The following HDAC9 variants were observed in gnomAD, a reference collection of about 807,000 sequenced individuals.
HDAC9 encodes histone deacetylase 9, also known as MEF-2 interacting transcription repressor (MITR) protein.
In HDAC9, 41 loss-of-function variants were observed where a neutral mutation model predicts 139.4. That is an observed-to-expected ratio of 0.29 (90% CI 0.23 to 0.38). HDAC9 has a LOEUF of 0.38. Among genes scored for constraint, HDAC9 ranks in the 10% least tolerant of loss-of-function variants. The pLI, the probability that HDAC9 is intolerant of heterozygous loss-of-function variation, is 1.00. For missense variants in HDAC9, 1,147 were observed against 1,297.0 expected (o/e 0.88, Z 1.78); for synonymous variants, 517 against 476.2 (o/e 1.09, Z -1.12).
chr7:18,407,250 A>T (rs1788099245), intron 1 of HDAC9, among the ~76,000 whole-genome samples: 1 of 152,184 alleles, frequency 6.6e-6, no homozygotes, highest in Non-Finnish European at 1.5e-5. Flanking sequence ...CTATATCTAG[A>T]AAAACTCCTG....
chr7:18,735,680 G>C (rs1265229408), intron 13 of HDAC9, among the ~76,000 whole-genome samples: 1 of 151,994 alleles, frequency 6.6e-6, no homozygotes, highest in African/African-American at 2.4e-5. Context: ...ATGCCTCCAG[G>C]TTTGTTCTTT....
intron 21 of HDAC9, among the ~76,000 whole-genome samples, chr7:18,871,238 A>G (rs1211097077): frequency 1.3e-5 from 2 of 152,120 alleles, no homozygotes; most frequent in Non-Finnish European, 2.9e-5. Flanking sequence ...ATATTGGTTC[A>G]CATGTCCTGT....
intron 2 of HDAC9, among the ~76,000 whole-genome samples, chr7:18,575,211 C>T (rs1583567017): frequency 6.6e-6 from 1 of 152,206 alleles, no homozygotes. Flanking sequence ...ATAAGCATTT[C>T]AGCATGTCTC....
At chr7:18,677,584 AT>A (rs1247062400) in intron 12 of HDAC9, among the ~76,000 whole-genome samples, 1 of 151,916 alleles carries the variant, frequency 6.6e-6, no homozygotes, top group East Asian at 1.9e-4. Context: ...ATTGTTTGAC[AT>A]TCTCATCAAC....
chr7:18,761,678 T>G (rs2129156560), intron 14 of HDAC9, among the ~76,000 whole-genome samples: 1 of 152,308 alleles, frequency 6.6e-6, no homozygotes, highest in South Asian at 2.1e-4. Flanking sequence ...TACTGTGAGG[T>G]GCACACATGG....
At chr7:18,994,116 G>C (rs1277603976) in intron 25 of HDAC9, among the ~76,000 whole-genome samples, 2 of 152,130 alleles carry the variant, frequency 1.3e-5, no homozygotes, top group Admixed American at 6.5e-5. Context: ...CCACCACAGA[G>C]ACATGTGGAT....
chr7:18,727,163 C>T (rs1371772294), intron 12 of HDAC9, among the ~76,000 whole-genome samples: 1 of 152,148 alleles, frequency 6.6e-6, no homozygotes, highest in Non-Finnish European at 1.5e-5. Flanking sequence ...AGAGAATTTT[C>T]AGAATTAGGC....
rs2129356976 is a variant in HDAC9 at position 18,999,280 on chromosome 7, G to A, written c.*3218G>A. On this transcript the variant is annotated 3_prime_UTR_variant, in exon 26 of 26. Transcript: ENST00000686413. Reference sequence around the variant, plus strand: ...GAAAGCAGGGATCTCCTCCCACAAAGGCTTCAGAAATTACAGGACTGGTCT... The same window carrying A: ...GAAAGCAGGGATCTCCTCCCACAAAAGCTTCAGAAATTACAGGACTGGTCT... The A allele has an allele frequency of 6.6e-6, 1 of 152,214 alleles. No individual in the cohort carries two copies. 9.4% of individuals were successfully genotyped at this position (152,214 alleles called of 1,614,324 possible).
intron 24 of HDAC9, among the ~76,000 whole-genome samples, chr7:18,970,310 TCA>T (rs1384959024): frequency 1.1e-4 from 17 of 151,976 alleles, no homozygotes; most frequent in African/African-American, 4.1e-4. Flanking sequence ...GTTCAGATAA[TCA>T]ATATAAAGAA....
chr7:18,169,341 G>A lies in HDAC9; in HGVS notation c.25+6992G>A, dbSNP rs539252007. 5.2e-4 allele frequency among the ~76,000 whole-genome samples: 79 copies of A among 151,868 alleles called. 1 individual carries two copies. The East Asian group carries it at 6.0e-3, about 12-fold the overall frequency. ...TCCACTGCACCCCTCTTATTTTCTC[G>A]GTTCTTCTGTCTTTAGTCTATAGAT... On this transcript the variant is annotated intron_variant, in intron 2 of 12. Coordinates refer to the HDAC9 transcript ENST00000417496.
chr7:18,756,953 G>T (rs1197647706), intron 14 of HDAC9, among the ~76,000 whole-genome samples: 1 of 151,940 alleles, frequency 6.6e-6, no homozygotes, highest in Non-Finnish European at 1.5e-5. Flanking sequence ...AGATTGTGCA[G>T]TTGCAGGGGC....
chr7:18,322,670 G>A (rs948810884), intron 1 of HDAC9, among the ~76,000 whole-genome samples: 2 of 152,144 alleles, frequency 1.3e-5, no homozygotes, highest in Non-Finnish European at 2.9e-5. Context: ...GGCATCCAAG[G>A]TGGTTTTCTT....
intron 2 of HDAC9, among the ~76,000 whole-genome samples, chr7:18,571,877 T>C (rs1458689429): frequency 3.9e-5 from 6 of 152,176 alleles, no homozygotes; most frequent in Non-Finnish European, 8.8e-5. Context: ...CTTAAACATA[T>C]TAAGCATTGA....
At chr7:18,860,891 G>T (rs549515918) in intron 21 of HDAC9, among the ~76,000 whole-genome samples, 1 of 152,226 alleles carries the variant, frequency 6.6e-6, no homozygotes, top group South Asian at 2.1e-4. Flanking sequence ...ACCCTTGCCC[G>T]CTCTCCACAC....
At chr7:18,116,430 C>A (rs2697906) in intron 1 of HDAC9, among the ~76,000 whole-genome samples, 83,999 of 151,642 alleles carry the variant, frequency 0.55, 25,821 homozygotes, top group Non-Finnish European at 0.68. Context: ...CTGTGTATTC[C>A]CTTATACTGT....
chr7:18,501,463 A>G (rs1416903012), intron 2 of HDAC9, among the ~76,000 whole-genome samples: 1 of 152,178 alleles, frequency 6.6e-6, no homozygotes, highest in Non-Finnish European at 1.5e-5. Flanking sequence ...CTTTTTGGAA[A>G]TAGTATCTCT....
intron 25 of HDAC9, among the ~76,000 whole-genome samples, chr7:18,993,662 G>A (rs1786199464): frequency 6.6e-6 from 1 of 151,878 alleles, no homozygotes; most frequent in South Asian, 2.1e-4. Flanking sequence ...AATTAGCCCA[G>A]CATGGTGGCA....
intron 1 of HDAC9, among the ~76,000 whole-genome samples, chr7:18,431,565 G>A (rs1467908172): frequency 2.6e-5 from 4 of 152,166 alleles, no homozygotes; most frequent in Admixed American, 2.6e-4. Context: ...TCAAGGAATA[G>A]CCAAATAAGA....
rs190157326 is a variant in HDAC9 at position 18,890,026 on chromosome 7, T to C, written c.2803+15430T>C. On this transcript the variant is annotated intron_variant, in intron 22 of 25. Transcript: ENST00000686413. Reference sequence around the variant, plus strand: ...CTGCCACTTTTCTAATTGCGTGACCTTGGGCAACTTACTTTCCCTTTTAGT... The same window carrying C: ...CTGCCACTTTTCTAATTGCGTGACCCTGGGCAACTTACTTTCCCTTTTAGT... Among the ~76,000 whole-genome samples the C allele has an allele frequency of 9.5e-4, 144 of 152,332 alleles. 1 individual carries two copies. The highest frequency in any genetic ancestry group is 2.8e-3 in the African/African-American group (118 of 41,578).
Sources: gnomAD v4.1 joint callset for allele counts (sites outside exome capture counted in the v4.1 genomes callset) on GRCh38, gnomAD v4.1.1 for gene constraint, MANE v1.5 for transcripts, NCBI Gene and HGNC (gene_info 2026-07-23, HGNC 2026-07-21) for gene names.